SLC41A3: variants seen among roughly 807,000 people sequenced by gnomAD.
The protein encoded by SLC41A3 is solute carrier family 41 member 3.
SLC41A3 carries 44 observed loss-of-function variants against 45.4 expected under a neutral mutation model. That is an observed-to-expected ratio of 0.97 (90% CI 0.76 to 1.25). The LOEUF is 1.25. Among genes scored for constraint, SLC41A3 ranks in the 50% most tolerant of loss-of-function variants. SLC41A3 has a pLI of 0.00. For synonymous variants in SLC41A3, 256 were observed against 252.4 expected (o/e 1.01, Z -0.13); for missense variants, 550 against 600.6 (o/e 0.92, Z 0.88).
At chr3:126,067,514 T>A (rs1052338459) in intron 2 of SLC41A3, 21 of 399,026 alleles carry the variant, frequency 5.3e-5, no homozygotes, top group Non-Finnish European at 9.9e-5. Flanking sequence ...GGCAGCCGTC[T>A]GCAAGCCAAG....
intron 9 of SLC41A3, among the ~76,000 whole-genome samples, chr3:126,012,412 T>A (rs796528363): frequency 5.9e-5 from 9 of 152,190 alleles, no homozygotes; most frequent in African/African-American, 2.2e-4. Flanking sequence ...TAGTGCCCAG[T>A]GGACATTCAA....
intron 1 of SLC41A3, among the ~76,000 whole-genome samples, 161 bp from the exon 2 acceptor site, chr3:126,068,407 T>C (rs1360498700): frequency 6.6e-6 from 1 of 152,114 alleles, no homozygotes; most frequent in Non-Finnish European, 1.5e-5. Flanking sequence ...CACCCCAATT[T>C]ACAATAGTTT....
chr3:126,072,834 G>A lies in SLC41A3; in HGVS notation c.-27-4588C>T, dbSNP rs554119197. Among the ~76,000 whole-genome samples the A allele has an allele frequency of 2.6e-5, 4 of 152,260 alleles. No individual in the cohort carries two copies. The South Asian group carries it at 8.3e-4, about 32-fold the overall frequency. On this transcript the variant is annotated intron_variant, in intron 1 of 10. Transcript: ENST00000360370. ...CACACGCACAGGTATGTTCATCGCA[G>A]CACTATTCACAATAGCAAAGACACA...
At chr3:126,080,086 C>T (rs1249763747) in intron 1 of SLC41A3, among the ~76,000 whole-genome samples, 1 of 152,098 alleles carries the variant, frequency 6.6e-6, no homozygotes, top group Non-Finnish European at 1.5e-5. Context: ...AGATTAAAGG[C>T]TTATATGATT....
chr3:126,056,653 C>A (rs1943688506), intron 2 of SLC41A3: 1 of 1,471,888 alleles, frequency 6.8e-7, no homozygotes, highest in Non-Finnish European at 9.0e-7. Context: ...CCCAAGAAGT[C>A]CACACAAACA....
chr3:126,060,464 G>A (rs879041945), intron 2 of SLC41A3, among the ~76,000 whole-genome samples: 1 of 45,214 alleles, frequency 2.2e-5, no homozygotes, highest in East Asian at 6.4e-4. Context: ...ACACACACGT[G>A]CATGCACAGT....
At chr3:126,051,773 G>A (rs1943353683) in intron 2 of SLC41A3, among the ~76,000 whole-genome samples, 1 of 152,094 alleles carries the variant, frequency 6.6e-6, no homozygotes, top group African/African-American at 2.4e-5. Flanking sequence ...TTGCCTGTCT[G>A]GCTGCTGCTG....
chr3:126,064,381 T>C (rs979740124), intron 2 of SLC41A3, among the ~76,000 whole-genome samples: 1 of 152,042 alleles, frequency 6.6e-6, no homozygotes, highest in African/African-American at 2.4e-5. Flanking sequence ...TCCCACTCTC[T>C]TGTTATGACA....
At chr3:126,030,760 A>T (rs1018197115) in intron 4 of SLC41A3, among the ~76,000 whole-genome samples, 7 of 152,172 alleles carry the variant, frequency 4.6e-5, no homozygotes, top group African/African-American at 1.7e-4. Flanking sequence ...GATGCACAAG[A>T]TATACTTTGT....
chr3:126,045,877 G>T (rs974520956), intron 3 of SLC41A3, among the ~76,000 whole-genome samples: 1 of 151,924 alleles, frequency 6.6e-6, no homozygotes, highest in Non-Finnish European at 1.5e-5. Flanking sequence ...CTAATAAACT[G>T]AATACAACAG....
intron 1 of SLC41A3, among the ~76,000 whole-genome samples, 187 bp from the exon 2 acceptor site, chr3:126,068,433 CAT>C (rs1944461974): frequency 6.6e-6 from 1 of 152,282 alleles, no homozygotes; most frequent in South Asian, 2.1e-4. Flanking sequence ...TTAATATGCA[CAT>C]GTGTGAGCAC....
At chr3:126,056,087 G>A (rs998043799) in intron 2 of SLC41A3, among the ~76,000 whole-genome samples, 6 of 152,180 alleles carry the variant, frequency 3.9e-5, no homozygotes, top group East Asian at 1.9e-4. Context: ...GGAGGAAGGC[G>A]GTTTGAGCTC....
At chr3:126,055,178 T>A (rs1030412619) in intron 2 of SLC41A3, among the ~76,000 whole-genome samples, 2 of 152,090 alleles carry the variant, frequency 1.3e-5, no homozygotes, top group Non-Finnish European at 2.9e-5. Context: ...ACTTGGGGTG[T>A]CCTCATGGGT....
intron 4 of SLC41A3, among the ~76,000 whole-genome samples, chr3:126,032,719 C>G (rs987592522): frequency 1.3e-5 from 2 of 152,230 alleles, no homozygotes; most frequent in Admixed American, 6.5e-5. Context: ...GGAGATGCCC[C>G]GTACAGTTAG....
chr3:126,069,649 G>A (rs995355455), intron 1 of SLC41A3, among the ~76,000 whole-genome samples: 1 of 152,108 alleles, frequency 6.6e-6, no homozygotes, highest in Non-Finnish European at 1.5e-5. Flanking sequence ...TGTCCCTGAA[G>A]GAGGCTAAAA....
chr3:126,088,788 G>A (rs556580121), upstream of SLC41A3, among the ~76,000 whole-genome samples: 42 of 152,130 alleles, frequency 2.8e-4, no homozygotes, highest in African/African-American at 3.9e-4. Flanking sequence ...AATGTATAGC[G>A]GATTGTAAAA....
intron 6 of SLC41A3, among the ~76,000 whole-genome samples, chr3:126,020,270 C>T (rs143340537): frequency 1.3e-5 from 2 of 152,106 alleles, no homozygotes; most frequent in Admixed American, 6.5e-5. Context: ...TCCCCTGAAA[C>T]GATTCCGTCT....
rs773059247 is a variant in SLC41A3, at chr3:126,006,455, C to A, written c.*561G>T. On this transcript the variant is annotated 3_prime_UTR_variant, in exon 11 of 11. Transcript: ENST00000360370. ...AACAAAAAGGAAAATAAAAAGACAG[C>A]AAGGACACGATTAAATGTTGAGTGC... 1.1e-5 allele frequency: 17 copies of A among 1,613,414 alleles called. No individual in the cohort carries two copies. Among genetic ancestry groups the A allele is most frequent in the Middle Eastern group, 1.6e-4 (1 of 6,082 alleles).
At chr3:126,088,157 A>T (rs547834369), upstream of SLC41A3, among the ~76,000 whole-genome samples, 88 of 152,156 alleles carry the variant, frequency 5.8e-4, no homozygotes, top group African/African-American at 1.9e-3. Context: ...TTTTGAAAAC[A>T]GGCCAATAAA....
Sources: gnomAD v4.1 joint callset for allele counts (sites outside exome capture counted in the v4.1 genomes callset) on GRCh38, gnomAD v4.1.1 for gene constraint, MANE v1.5 for transcripts, NCBI Gene and HGNC (gene_info 2026-07-23, HGNC 2026-07-21) for gene names.